The following PTPRO variants were observed in gnomAD, a reference collection of about 807,000 sequenced individuals.
The protein encoded by PTPRO is receptor-type tyrosine-protein phosphatase O.
Under a neutral mutation model 145.2 loss-of-function variants are expected in PTPRO, and 62 were observed. The observed-to-expected ratio is 0.43, with a 90% CI of 0.35 to 0.53. The LOEUF is 0.53. PTPRO is among the 20% of genes least tolerant of loss of function. The pLI, the probability that PTPRO is intolerant of heterozygous loss-of-function variation, is 0.01. For missense variants in PTPRO, 1,345 were observed against 1,482.7 expected, an observed-to-expected ratio of 0.91 and a Z score of 1.53; for synonymous variants, 565 against 514.7, an observed-to-expected ratio of 1.10 and a Z score of -1.32.
At chr12:15,575,786 A>T (rs1258448486) in intron 19 of PTPRO, among the ~76,000 whole-genome samples, 1 of 151,946 alleles carries the variant, frequency 6.6e-6, no homozygotes, top group African/African-American at 2.4e-5. Context: ...CCCCCTGAAG[A>T]CTCTAGGGAA....
chr12:15,517,304 C>T (rs1189328148), intron 9 of PTPRO, among the ~76,000 whole-genome samples: 1 of 152,154 alleles, frequency 6.6e-6, no homozygotes, highest in Non-Finnish European at 1.5e-5. Context: ...GACTTATTCA[C>T]TATCACAAGA....
At chr12:15,584,697 A>T (rs1944394168) in intron 23 of PTPRO, among the ~76,000 whole-genome samples, 1 of 152,254 alleles carries the variant, frequency 6.6e-6, no homozygotes, top group African/African-American at 2.4e-5. Context: ...TAAGTTGCCC[A>T]AAGAACATTG....
chr12:15,538,499 A>C (rs1323916627), intron 12 of PTPRO, among the ~76,000 whole-genome samples: 1 of 152,222 alleles, frequency 6.6e-6, no homozygotes, highest in Non-Finnish European at 1.5e-5. Flanking sequence ...CTGGGATTAC[A>C]GGCGTGAGCC....
At chr12:15,550,327 T>C (rs534140909) in intron 14 of PTPRO, among the ~76,000 whole-genome samples, 29 of 152,322 alleles carry the variant, frequency 1.9e-4, no homozygotes, top group African/African-American at 6.7e-4. Flanking sequence ...TTCATAAAGA[T>C]CTTCCTCATG....
intron 10 of PTPRO, among the ~76,000 whole-genome samples, chr12:15,523,781 A>AAAAAT (rs1181146752): frequency 7.9e-5 from 12 of 152,152 alleles, no homozygotes; most frequent in Non-Finnish European, 1.5e-4. Context: ...CCTCAAAAGT[A>AAAAAT]AAAATAAAAT....
chr12:15,510,397 C>T (rs1002069895), intron 7 of PTPRO, among the ~76,000 whole-genome samples: 4 of 152,154 alleles, frequency 2.6e-5, no homozygotes, highest in African/African-American at 9.7e-5. Context: ...GACAGAAAAA[C>T]GTGTTTTCCC....
At chr12:15,581,360 G>A (rs887441314) in intron 22 of PTPRO, among the ~76,000 whole-genome samples, 1 of 148,288 alleles carries the variant, frequency 6.7e-6, no homozygotes, top group African/African-American at 2.5e-5. Flanking sequence ...GGGTGCAGTG[G>A]CACGATCTCA....
chr12:15,562,058 A>C, intron 17 of PTPRO, among the ~76,000 whole-genome samples: 1 of 152,098 alleles, frequency 6.6e-6, no homozygotes, highest in East Asian at 1.9e-4. Context: ...TGAAACTGTA[A>C]ATGGTTGTCT....
At chr12:15,442,923 A>C (rs1940808955) in intron 1 of PTPRO, among the ~76,000 whole-genome samples, 1 of 152,090 alleles carries the variant, frequency 6.6e-6, no homozygotes, top group Admixed American at 6.6e-5. Flanking sequence ...TTTTAATACT[A>C]CTCCTATCAA....
At chr12:15,545,861 C>T (rs1009621365) in intron 12 of PTPRO, among the ~76,000 whole-genome samples, 1 of 151,928 alleles carries the variant, frequency 6.6e-6, no homozygotes, top group African/African-American at 2.4e-5. Context: ...TGGCAAAACT[C>T]CATCTCTGCA....
At chr12:15,334,619 G>A (rs1479503922) in intron 1 of PTPRO, among the ~76,000 whole-genome samples, 1 of 152,082 alleles carries the variant, frequency 6.6e-6, no homozygotes, top group African/African-American at 2.4e-5. Flanking sequence ...AAGTACTGAA[G>A]TTTGGGTTAG....
At chr12:15,423,305 G>C (rs145193460) in intron 1 of PTPRO, among the ~76,000 whole-genome samples, 1 of 152,078 alleles carries the variant, frequency 6.6e-6, no homozygotes, top group African/African-American at 2.4e-5. Flanking sequence ...ACAATTTACC[G>C]ATCTTGTGAA....
Position 15,389,328 on chromosome 12 carries a change from C to T in PTPRO, c.75+66527C>T, listed in dbSNP as rs55865945. 6.6e-3 allele frequency among the ~76,000 whole-genome samples: 1,001 copies of T among 152,012 alleles called. 10 individuals carry two copies. Among genetic ancestry groups the T allele is most frequent in the African/African-American group, 0.023 (941 of 41,462 alleles). ...TTCACTGTGTTAGCCAGGATGGTCT[C>T]GATCTCCTTACCTCATGATCCGCCC... On this transcript the variant is annotated intron_variant, in intron 1 of 26. Coordinates refer to ENST00000281171, the MANE Select transcript of PTPRO (RefSeq NM_030667.3).
At chr12:15,525,236 A>G (rs1011575216) in intron 11 of PTPRO, among the ~76,000 whole-genome samples, 1 of 152,220 alleles carries the variant, frequency 6.6e-6, no homozygotes, top group Non-Finnish European at 1.5e-5. Context: ...GATGCCAAAC[A>G]TTTTCAAGAA....
At chr12:15,426,796 GTTAAA>G (rs1196231191) in intron 1 of PTPRO, among the ~76,000 whole-genome samples, 1 of 151,884 alleles carries the variant, frequency 6.6e-6, no homozygotes, top group African/African-American at 2.4e-5. Flanking sequence ...CAGACACTCA[GTTAAA>G]TTAAAGTTCA....
At chr12:15,352,109 C>A (rs1937822887) in intron 1 of PTPRO, among the ~76,000 whole-genome samples, 1 of 152,196 alleles carries the variant, frequency 6.6e-6, no homozygotes, top group Admixed American at 6.5e-5. Flanking sequence ...TTGGCTGTTG[C>A]CCAGTGTGGT....
At chr12:15,525,092 G>T (rs1942810146) in intron 11 of PTPRO, 127 bp downstream of exon 11, 2 of 1,165,634 alleles carry the variant, frequency 1.7e-6, no homozygotes, top group Non-Finnish European at 2.5e-6. Context: ...TTAGGCTCTG[G>T]AGATAAGACA....
rs1388474758 is a variant in PTPRO at position 15,385,861 on chromosome 12, AGATAGATAGAT to A, written c.75+63072_75+63082del. ...AGAAGAAGAAGGACAGATGCTAGAT[AGATAGATAGAT>A]GATAGATAGATTAAAAAAGAGATAT... On this transcript the variant is annotated intron_variant, in intron 1 of 26. Coordinates refer to ENST00000281171, the MANE Select transcript of PTPRO (RefSeq NM_030667.3). 2.0e-5 allele frequency among the ~76,000 whole-genome samples: 3 copies of A among 151,530 alleles called. No homozygotes were observed. In the East Asian group the frequency reaches 5.8e-4, roughly 29 times the overall value.
At position 15,360,849 on chromosome 12, in the gene PTPRO, T is replaced by A. The variant is rs535923420; in HGVS notation, c.75+38048T>A. 1.7e-4 allele frequency among the ~76,000 whole-genome samples: 21 copies of A among 121,006 alleles called. 1 individual carries two copies. The East Asian group carries it at 4.7e-3, about 27-fold the overall frequency. 79.4% of individuals were successfully genotyped at this position (121,006 alleles called of 152,430 possible). A position where few individuals can be genotyped will look rare whatever the true frequency, so the allele number is the denominator to read the frequency against. On this transcript the variant is annotated intron_variant, in intron 1 of 26. Coordinates refer to ENST00000281171, the MANE Select transcript of PTPRO (RefSeq NM_030667.3). ...GTGTGTATATATATACGTGTGTATA[T>A]ATGTGTGTGTATATATGTGTGTATA...
Sources: gnomAD v4.1 joint callset for allele counts (sites outside exome capture counted in the v4.1 genomes callset) on GRCh38, gnomAD v4.1.1 for gene constraint, MANE v1.5 for transcripts, NCBI Gene and HGNC (gene_info 2026-07-23, HGNC 2026-07-21) for gene names.